MSTO1: variants seen among roughly 807,000 people sequenced by gnomAD.
The protein encoded by MSTO1 is protein misato homolog 1.
MSTO1 carries 24 observed loss-of-function variants against 55.7 expected under a neutral mutation model. That is an observed-to-expected ratio of 0.43 (90% CI 0.31 to 0.61). The LOEUF is 0.61. Among genes scored for constraint, MSTO1 ranks in the 20% least tolerant of loss-of-function variants. The probability of loss-of-function intolerance (pLI) is 0.09; values close to 1 mark genes in which losing one functional copy is unlikely to be tolerated. For missense variants in MSTO1, 363 were observed against 625.7 expected (o/e 0.58, Z 4.48); for synonymous variants, 162 against 252.8 (o/e 0.64, Z 3.41).
chr1:155,578,612 G>A, the MSTO1 span, among the ~76,000 whole-genome samples: 1 of 144,064 alleles, frequency 6.9e-6, no homozygotes, highest in African/African-American at 2.6e-5. Flanking sequence ...CCAGGTTCAC[G>A]CCATTCTCCT....
chr1:155,575,039 G>C, the MSTO1 span, among the ~76,000 whole-genome samples: 1 of 151,792 alleles, frequency 6.6e-6, no homozygotes, highest in African/African-American at 2.4e-5. Context: ...GCTAATTTTT[G>C]TATTTTTAGT....
At chr1:155,607,985 G>T, upstream of MSTO1, among the ~76,000 whole-genome samples, 1 of 152,200 alleles carries the variant, frequency 6.6e-6, no homozygotes. Context: ...GGCAAAGAGA[G>T]TGAGACAGTC....
In MSTO1 at chr1:155,612,475, A is replaced by T; in HGVS notation, c.871A>T (p.Thr291Ser). 2 of 1,613,994 alleles carry T rather than the reference A, an allele frequency of 1.2e-6. No homozygotes were observed. Among genetic ancestry groups the T allele is most frequent in the Non-Finnish European group, 8.5e-7 (1 of 1,179,982 alleles). Residue 291 changes from threonine to serine, a missense_variant, in exon 9 of 14, where the codon ACT becomes TCT. Around this residue, in one of 3 missense-constraint regions of MSTO1, gnomAD observed 231 missense variants for 286.9 expected, o/e 0.81. Transcript: ENST00000245564. ...LNTAFGLVHL[T>S]AHSSLVCPLS... is the part of the protein sequence containing the mutation. ...CACAGCTTTTGGTCTCGTGCACCTG[A>T]CTGCTCACAGCTCTCTTGTCTGCCC...
the MSTO1 span, among the ~76,000 whole-genome samples, chr1:155,575,794 A>AATTT: frequency 7.2e-6 from 1 of 139,188 alleles, no homozygotes; most frequent in Admixed American, 7.4e-5. Context: ...GTCTTATTTT[A>AATTT]TTTTTATTTA....
the MSTO1 span, among the ~76,000 whole-genome samples, chr1:155,578,638 G>T: frequency 1.3e-5 from 2 of 149,908 alleles, no homozygotes; most frequent in African/African-American, 4.9e-5. Flanking sequence ...AGCCTCCCGA[G>T]TAGCTGGGAC....
the MSTO1 span, chr1:155,564,024 A>G: frequency 5.9e-6 from 1 of 168,072 alleles, no homozygotes; most frequent in Admixed American, 5.5e-5. Flanking sequence ...ATGCAGCAGA[A>G]ATACGGACGA....
the MSTO1 span, among the ~76,000 whole-genome samples, chr1:155,592,758 T>A: frequency 6.6e-6 from 1 of 152,244 alleles, no homozygotes; most frequent in South Asian, 2.1e-4. Flanking sequence ...TTTCCCCAAG[T>A]TGTCCAGGCT....
At chr1:155,590,585 C>T in the MSTO1 span, 2 of 1,230,038 alleles carry the variant, frequency 1.6e-6, no homozygotes, top group East Asian at 2.3e-5. Flanking sequence ...CAGCGGAGCC[C>T]CCATTCACTT....
the MSTO1 span, among the ~76,000 whole-genome samples, chr1:155,579,342 C>G: frequency 6.6e-6 from 1 of 151,540 alleles, no homozygotes; most frequent in Non-Finnish European, 1.5e-5. Flanking sequence ...AACAAACAAA[C>G]AAACAAACAA....
the MSTO1 span, chr1:155,590,804 C>T: frequency 5.1e-4 from 825 of 1,606,598 alleles, 8 homozygotes; most frequent in East Asian, 0.011. Context: ...TTTTGGGCCT[C>T]AGCCACCAGG....
the MSTO1 span, chr1:155,598,972 G>A: frequency 6.8e-6 from 7 of 1,026,576 alleles, no homozygotes; most frequent in African/African-American, 1.6e-5. Context: ...TGTTACCGTG[G>A]TAGTCTTGTA....
chr1:155,568,833 CTTTT>C, the MSTO1 span, among the ~76,000 whole-genome samples: 5 of 35,446 alleles, frequency 1.4e-4, no homozygotes, highest in Non-Finnish European at 7.2e-4. Context: ...GCCTTTTTTT[CTTTT>C]TCTTTTTCTT....
At chr1:155,572,869 C>T in the MSTO1 span, among the ~76,000 whole-genome samples, 3 of 151,942 alleles carry the variant, frequency 2.0e-5, no homozygotes, top group Non-Finnish European at 2.9e-5. Context: ...AGGCTGGTCT[C>T]GAACTCCCGA....
the MSTO1 span, among the ~76,000 whole-genome samples, chr1:155,593,446 CT>C: frequency 6.6e-6 from 1 of 152,164 alleles, no homozygotes; most frequent in African/African-American, 2.4e-5. Flanking sequence ...GTGAGACAAA[CT>C]TGGATGTGAA....
At chr1:155,580,034 C>T in the MSTO1 span, among the ~76,000 whole-genome samples, 1,803 of 151,492 alleles carry the variant, frequency 0.012, 15 homozygotes, top group Non-Finnish European at 0.02. Flanking sequence ...CGAGATCGGG[C>T]CACTGCCCTC....
chr1:155,566,626 T>C, the MSTO1 span, among the ~76,000 whole-genome samples: 1 of 151,804 alleles, frequency 6.6e-6, no homozygotes, highest in African/African-American at 2.4e-5. Flanking sequence ...TTTTTTTTTT[T>C]ATTCTTGAGA....
the MSTO1 span, among the ~76,000 whole-genome samples, chr1:155,590,134 T>C: frequency 6.6e-6 from 1 of 151,788 alleles, no homozygotes; most frequent in Admixed American, 6.6e-5. Flanking sequence ...GTTCCGGAGG[T>C]AGGCAGTCCT....
chr1:155,567,892 C>G, the MSTO1 span, among the ~76,000 whole-genome samples: 1 of 151,364 alleles, frequency 6.6e-6, no homozygotes, highest in Non-Finnish European at 1.5e-5. Flanking sequence ...AAAAAATCAG[C>G]TGGGCATGGT....
At chr1:155,574,149 G>A in the MSTO1 span, among the ~76,000 whole-genome samples, 1 of 152,102 alleles carries the variant, frequency 6.6e-6, no homozygotes, top group Non-Finnish European at 1.5e-5. Context: ...CTTGAGCCCA[G>A]GAGTTGAAGA....
Sources: gnomAD v4.1 joint callset for allele counts (sites outside exome capture counted in the v4.1 genomes callset) on GRCh38, gnomAD v4.1.1 for gene constraint, gnomAD v4.1.1 regional missense constraint, MANE v1.5 for transcripts, NCBI Gene and HGNC (gene_info 2026-07-23, HGNC 2026-07-21) for gene names.